TENM4: variants seen among roughly 807,000 people sequenced by gnomAD.
TENM4 encodes teneurin transmembrane protein 4, also known as teneurin-4.
In TENM4, 82 loss-of-function variants were observed where a neutral mutation model predicts 243.3. The ratio of observed to expected loss-of-function variants is 0.34; its 90% CI spans 0.28 to 0.40. The LOEUF (loss-of-function observed/expected upper bound fraction) is 0.40, where lower values mean the gene tolerates loss of function less well. Ranked by LOEUF, TENM4 falls within the 10% of genes least tolerant of loss-of-function variation. The probability of loss-of-function intolerance (pLI) is 1.00; values close to 1 mark genes in which losing one functional copy is unlikely to be tolerated. For missense variants in TENM4, 3,138 were observed against 3,673.3 expected, an observed-to-expected ratio of 0.85 and a Z score of 3.77; for synonymous variants, 1,412 against 1,456.3, an observed-to-expected ratio of 0.97 and a Z score of 0.69.
intron 29 of TENM4, among the ~76,000 whole-genome samples, chr11:78,685,798 G>A (rs1042803142): frequency 1.2e-4 from 19 of 152,222 alleles, no homozygotes; most frequent in Non-Finnish European, 1.2e-4. Context: ...GGTCAGGCAA[G>A]ATCTTGGCTG....
chr11:79,069,427 G>A (rs1365300706), intron 5 of TENM4, among the ~76,000 whole-genome samples: 4 of 152,184 alleles, frequency 2.6e-5, no homozygotes, highest in African/African-American at 4.8e-5. Flanking sequence ...GCTTAGAGGG[G>A]AGCCTAACTC....
chr11:79,420,810 G>A (rs546535804), intron 1 of TENM4, among the ~76,000 whole-genome samples: 1 of 152,162 alleles, frequency 6.6e-6, no homozygotes, highest in Non-Finnish European at 1.5e-5. Flanking sequence ...CTGGAGCTGG[G>A]ATGGGACAGA....
intron 6 of TENM4, among the ~76,000 whole-genome samples, chr11:78,905,162 C>T (rs761550482): frequency 6.6e-6 from 1 of 152,180 alleles, no homozygotes; most frequent in Non-Finnish European, 1.5e-5. Flanking sequence ...CTTTGTTCCT[C>T]ATGAGAATTC....
chr11:79,068,250 G>C (rs1305403054), intron 5 of TENM4: 1 of 152,210 alleles, frequency 6.6e-6, no homozygotes, highest in African/African-American at 2.4e-5. Flanking sequence ...TTCATTTATA[G>C]TTCTCATCAA....
At chr11:79,129,859 G>T (rs767797789) in intron 4 of TENM4, among the ~76,000 whole-genome samples, 1 of 152,072 alleles carries the variant, frequency 6.6e-6, no homozygotes, top group Non-Finnish European at 1.5e-5. Flanking sequence ...CCCACCCACC[G>T]CTGGTTCCTC....
intron 6 of TENM4, among the ~76,000 whole-genome samples, chr11:79,041,993 T>C (rs1030025416): frequency 6.6e-6 from 1 of 152,102 alleles, no homozygotes; most frequent in Non-Finnish European, 1.5e-5. Context: ...CTTAGGAAGG[T>C]GATCAGCAGG....
rs766466346 is a variant in TENM4, at chr11:78,669,482, C to T, written c.6863G>A (p.Ser2288Asn). 1.9e-6 allele frequency: 3 copies of T among 1,613,792 alleles called. No individual in the cohort carries two copies. The South Asian group carries it at 3.3e-5, about 18-fold the overall frequency. The change falls in exon 32 of 34, where the codon AGT (serine) becomes AAT (asparagine). Residue 2288 changes from serine (S) to asparagine (N), a missense_variant. Around this residue, in one of 2 missense-constraint regions of TENM4, gnomAD observed 2,467 missense variants for 3,059.1 expected, o/e 0.81. Transcript: ENST00000278550. This position sits in a 1 kb window ranked among gnomAD's most constrained non-coding sequence, Gnocchi z 6.4. ...IKAYNRAGSW[S>N]VRYRYDGLGR... Reference sequence around the variant, plus strand: ...CAGGCCATCGTAGCGGTACCTGACACTCCAGCTGCCAGCCCGGTTGTAGGC... The same window carrying T: ...CAGGCCATCGTAGCGGTACCTGACATTCCAGCTGCCAGCCCGGTTGTAGGC...
chr11:78,717,324 C>G (rs1003262727), intron 25 of TENM4, among the ~76,000 whole-genome samples: 2 of 152,138 alleles, frequency 1.3e-5, no homozygotes, highest in African/African-American at 4.8e-5. Flanking sequence ...TGAGAATTCT[C>G]TTTGTCTCTA....
chr11:79,189,847 C>T (rs1318196185), intron 3 of TENM4, among the ~76,000 whole-genome samples: 1 of 152,202 alleles, frequency 6.6e-6, no homozygotes, highest in East Asian at 1.9e-4. Flanking sequence ...CTCAGACTTG[C>T]CTGCGCAGCC....
intron 16 of TENM4, among the ~76,000 whole-genome samples, chr11:78,782,551 C>T (rs985026006): frequency 2.6e-5 from 4 of 151,990 alleles, no homozygotes; most frequent in South Asian, 2.1e-4. Flanking sequence ...CAGCCGAGGT[C>T]GTGCCACTGC....
chr11:78,984,286 A>G (rs1857870299), intron 6 of TENM4, among the ~76,000 whole-genome samples: 1 of 152,200 alleles, frequency 6.6e-6, no homozygotes, highest in South Asian at 2.1e-4. Context: ...AGCCTAGTAA[A>G]GTATTTGGCA....
intron 4 of TENM4, among the ~76,000 whole-genome samples, chr11:79,092,324 C>G (rs1242126902): frequency 6.6e-6 from 1 of 152,210 alleles, no homozygotes; most frequent in Non-Finnish European, 1.5e-5. Context: ...GAACCATTTT[C>G]AAGGCTGAGG....
At chr11:79,195,399 G>T (rs1197430573) in intron 3 of TENM4, among the ~76,000 whole-genome samples, 1 of 152,150 alleles carries the variant, frequency 6.6e-6, no homozygotes, top group Admixed American at 6.5e-5. Context: ...AAAAGCCGCA[G>T]AAATTCAACA....
chr11:78,739,186 T>C (rs1294655463), intron 19 of TENM4, among the ~76,000 whole-genome samples: 1 of 152,082 alleles, frequency 6.6e-6, no homozygotes, highest in East Asian at 1.9e-4. Flanking sequence ...TCTCCCAATA[T>C]CCCTCCTCCC....
At chr11:78,759,658 T>C (rs758073897) in intron 18 of TENM4, among the ~76,000 whole-genome samples, 22 of 152,352 alleles carry the variant, frequency 1.4e-4, no homozygotes, top group Non-Finnish European at 2.8e-4. Context: ...TTCTTATTAA[T>C]ATCTATATTA....
At chr11:79,270,164 T>C (rs758673890) in intron 2 of TENM4, among the ~76,000 whole-genome samples, 2 of 152,152 alleles carry the variant, frequency 1.3e-5, no homozygotes, top group African/African-American at 2.4e-5. Flanking sequence ...CCTTGAGGCT[T>C]AGCTCCCTCT....
At chr11:78,975,193 G>A (rs1857625925) in intron 6 of TENM4, among the ~76,000 whole-genome samples, 1 of 137,862 alleles carries the variant, frequency 7.3e-6, no homozygotes, top group Non-Finnish European at 1.6e-5. Flanking sequence ...GGGTGGGTGG[G>A]GCGACAACTG....
At chr11:79,354,810 C>CA (rs1183205574) in intron 1 of TENM4, among the ~76,000 whole-genome samples, 29 of 145,264 alleles carry the variant, frequency 2.0e-4, no homozygotes, top group African/African-American at 7.2e-4. Context: ...AACAAACAAA[C>CA]AAAAAAAGAA....
At chr11:78,881,416 T>C (rs1300812970) in intron 9 of TENM4, among the ~76,000 whole-genome samples, 1 of 151,952 alleles carries the variant, frequency 6.6e-6, no homozygotes, top group Non-Finnish European at 1.5e-5. Context: ...AGATTTCCGT[T>C]CTCCGGCTCC....
Sources: allele counts gnomAD v4.1 joint callset (sites outside exome capture counted in the v4.1 genomes callset), GRCh38; gene constraint gnomAD v4.1.1; regional missense constraint gnomAD v4.1.1; non-coding constraint Gnocchi (gnomAD v3.1); transcripts MANE v1.5; gene names NCBI Gene and HGNC (gene_info 2026-07-23, HGNC 2026-07-21).